Variants in SYT13 observed in about 807,000 individuals in gnomAD.
SYT13 encodes synaptotagmin 13.
SYT13 carries 21 observed loss-of-function variants against 38.6 expected under a neutral mutation model. That is an observed-to-expected ratio of 0.54 (90% CI 0.39 to 0.78). SYT13 has a LOEUF of 0.78. Among genes scored for constraint, SYT13 ranks in the 30% least tolerant of loss-of-function variants. The pLI is 0.00. For missense variants in SYT13, 495 were observed against 548.7 expected (o/e 0.90, Z 0.98); for synonymous variants, 241 against 237.6 (o/e 1.01, Z -0.13).
chr11:45,252,624 GCTT>G lies in SYT13; in HGVS notation c.640_642del (p.Lys214del). 1 of 1,614,100 alleles carries G rather than the reference GCTT, an allele frequency of 6.2e-7. No individual in the cohort carries two copies. Among genetic ancestry groups the G allele is most frequent in the Non-Finnish European group, 8.5e-7 (1 of 1,179,964 alleles). On this transcript the variant is annotated inframe_deletion, in exon 4 of 6. Transcript: ENST00000020926. This position sits in a 1 kb window ranked among gnomAD's most constrained non-coding sequence, Gnocchi z 4.3. ...TCCTCCCAGGTGGTGTGCAGCTGCC[GCTT>G]CTTTAGGGCTGTCTGAGCCTCCACA...
At chr11:45,255,616 G>A (rs750197510) in intron 2 of SYT13, 50 bp downstream of exon 2, 2 of 1,549,888 alleles carry the variant, frequency 1.3e-6, no homozygotes, top group Non-Finnish European at 8.8e-7. Context: ...ACATTGACAA[G>A]CCCCACTGGA....
At chr11:45,256,154 T>C (rs1316686912) in intron 1 of SYT13, among the ~76,000 whole-genome samples, 1 of 152,108 alleles carries the variant, frequency 6.6e-6, no homozygotes, top group Non-Finnish European at 1.5e-5. Context: ...CGCCCATGGA[T>C]ATTGCCTGGA....
At chr11:45,269,553 A>G (rs920639408) in intron 1 of SYT13, 43 of 1,045,848 alleles carry the variant, frequency 4.1e-5, no homozygotes, top group Middle Eastern at 4.8e-4. Context: ...TCTTCACGCA[A>G]CTATAGATAA....
chr11:45,278,340 A>C (rs550946318), intron 1 of SYT13, among the ~76,000 whole-genome samples: 4 of 152,272 alleles, frequency 2.6e-5, no homozygotes, highest in African/African-American at 9.6e-5. Flanking sequence ...CAGTGTGGAC[A>C]ACAAAGGGAC....
intron 5 of SYT13, among the ~76,000 whole-genome samples, chr11:45,245,123 G>C (rs1453526105): frequency 6.6e-6 from 1 of 152,204 alleles, no homozygotes; most frequent in Non-Finnish European, 1.5e-5. Context: ...ATGTGGAAGA[G>C]GGATGAAGGC....
At position 45,278,169 on chromosome 11, in the gene SYT13, T is replaced by C. The variant is rs140768338; in HGVS notation, c.183+7856A>G. On this transcript the variant is annotated intron_variant, in intron 1 of 5. Coordinates refer to ENST00000020926, the MANE Select transcript of SYT13 (RefSeq NM_020826.3). ...TCTGATACATACGTATAGAATCTCT[T>C]AGTTCTTAAAACTTGCTTCTATGAA... 1.3e-5 allele frequency among the ~76,000 whole-genome samples: 2 copies of C among 152,356 alleles called. 1 individual carries two copies. Among genetic ancestry groups the C allele is most frequent in the East Asian group, 3.9e-4 (2 of 5,190 alleles).
chr11:45,260,935 G>A (rs1854807770), intron 1 of SYT13, among the ~76,000 whole-genome samples: 2 of 152,266 alleles, frequency 1.3e-5, no homozygotes, highest in South Asian at 2.1e-4. Flanking sequence ...CATGCCTGCT[G>A]AGTTATGAGA....
intron 1 of SYT13, among the ~76,000 whole-genome samples, chr11:45,267,774 G>A (rs1385440978): frequency 6.6e-6 from 1 of 152,190 alleles, no homozygotes; most frequent in African/African-American, 2.4e-5. Flanking sequence ...ATTTCTGGGA[G>A]TGGGAGAGAG....
At chr11:45,246,754 C>G (rs1428430271) in intron 4 of SYT13, among the ~76,000 whole-genome samples, 1 of 152,070 alleles carries the variant, frequency 6.6e-6, no homozygotes, top group Non-Finnish European at 1.5e-5. Flanking sequence ...TTTCATATAC[C>G]ATATACTCAA....
intron 1 of SYT13, among the ~76,000 whole-genome samples, chr11:45,261,593 T>C (rs1299846681): frequency 8.3e-6 from 1 of 119,950 alleles, no homozygotes; most frequent in African/African-American, 3.2e-5. Flanking sequence ...CGAGACTCCG[T>C]CTAAAAAAAA....
At chr11:45,284,796 A>T (rs1855114256) in intron 1 of SYT13, among the ~76,000 whole-genome samples, 1 of 152,160 alleles carries the variant, frequency 6.6e-6, no homozygotes, top group Non-Finnish European at 1.5e-5. Context: ...TGGAAAGCCC[A>T]CTATTCCCCT....
intron 1 of SYT13, among the ~76,000 whole-genome samples, chr11:45,258,674 C>A (rs1209027972): frequency 6.6e-6 from 1 of 152,130 alleles, no homozygotes; most frequent in Non-Finnish European, 1.5e-5. Flanking sequence ...ATGCAGGGCA[C>A]AATCAGGGGT....
intron 1 of SYT13, among the ~76,000 whole-genome samples, chr11:45,262,769 A>ACACACACAC (rs879343529): frequency 6.9e-5 from 5 of 72,970 alleles, no homozygotes; most frequent in Non-Finnish European, 1.3e-4. Context: ...ACACACACAC[A>ACACACACAC]AATTGAACTG....
intron 1 of SYT13, among the ~76,000 whole-genome samples, chr11:45,284,669 G>A (rs898938943): frequency 2.0e-5 from 3 of 152,138 alleles, no homozygotes; most frequent in Non-Finnish European, 4.4e-5. Flanking sequence ...GGCGGTGCCT[G>A]GAGAGACATC....
At chr11:45,254,570 A>C (rs1854719951) in intron 2 of SYT13, 166 bp from the exon 3 acceptor site, 1 of 884,612 alleles carries the variant, frequency 1.1e-6, no homozygotes, top group African/African-American at 1.7e-5. Flanking sequence ...GGTCAATGTC[A>C]CAGCCCATTA....
At chr11:45,274,066 T>C (rs546171851) in intron 1 of SYT13, among the ~76,000 whole-genome samples, 4 of 152,286 alleles carry the variant, frequency 2.6e-5, no homozygotes, top group East Asian at 1.9e-4. Flanking sequence ...GGCTAGGAGA[T>C]GGTGGAGTCT....
At chr11:45,270,539 A>G (rs915631539) in intron 1 of SYT13, among the ~76,000 whole-genome samples, 6 of 152,228 alleles carry the variant, frequency 3.9e-5, no homozygotes, top group African/African-American at 1.4e-4. Flanking sequence ...ATAAATAATA[A>G]AGTACAAAAA....
chr11:45,245,866 G>A (rs1484029819), intron 5 of SYT13, among the ~76,000 whole-genome samples: 1 of 152,240 alleles, frequency 6.6e-6, no homozygotes, highest in Non-Finnish European at 1.5e-5. Context: ...GGTGGCAGTT[G>A]GCAAAGGCTG....
chr11:45,284,430 G>C (rs889249250), intron 1 of SYT13, among the ~76,000 whole-genome samples: 1 of 152,176 alleles, frequency 6.6e-6, no homozygotes, highest in African/African-American at 2.4e-5. Context: ...TGAACAGTGC[G>C]CCTGGCACAC....
Sources: allele counts gnomAD v4.1 joint callset (sites outside exome capture counted in the v4.1 genomes callset), GRCh38; gene constraint gnomAD v4.1.1; non-coding constraint Gnocchi (gnomAD v3.1); transcripts MANE v1.5; gene names NCBI Gene and HGNC (gene_info 2026-07-23, HGNC 2026-07-21).